Variants in TJP1 observed in about 807,000 individuals in gnomAD.
TJP1 encodes the protein tight junction protein 1, also known as tight junction protein ZO-1.
In TJP1, 43 loss-of-function variants were observed where a neutral mutation model predicts 194.2. The observed-to-expected ratio is 0.22, with a 90% CI of 0.17 to 0.29. The LOEUF (loss-of-function observed/expected upper bound fraction) is 0.29, where lower values mean the gene tolerates loss of function less well. Ranked by LOEUF, TJP1 falls within the 10% of genes least tolerant of loss-of-function variation. The pLI is 1.00. For missense variants in TJP1, 1,971 were observed against 2,185.7 expected (o/e 0.90, Z 1.96); for synonymous variants, 801 against 779.0 (o/e 1.03, Z -0.47).
chr15:29,968,378 G>A (rs1298819380), intron 1 of TJP1: 1 of 985,216 alleles, frequency 1.0e-6, no homozygotes, highest in Non-Finnish European at 1.2e-6. Context: ...CGACGCCCGG[G>A]TGCGGGTGCC....
At chr15:29,763,775 A>C (rs1422247972) in intron 5 of TJP1, among the ~76,000 whole-genome samples, 1 of 151,782 alleles carries the variant, frequency 6.6e-6, no homozygotes, top group South Asian at 2.1e-4. Context: ...CTCAAAAAAA[A>C]AAAAAAAAAT....
rs540382864 is a variant in TJP1, at chr15:29,702,104, T to C, written c.5213-415A>G. The stretch of plus-strand genomic sequence containing the variant: ...ATTATCAGTAGCACTTTTTTTTTTT[T>C]TCCAGTTTCGAAAGTCTGGAGGATA... On this transcript the variant is annotated intron_variant, in intron 27 of 27. Transcript: ENST00000614355. 5.3e-5 allele frequency among the ~76,000 whole-genome samples: 8 copies of C among 152,270 alleles called. No homozygotes were observed. In the South Asian group the frequency reaches 1.7e-3, roughly 32 times the overall value.
intron 2 of TJP1, among the ~76,000 whole-genome samples, chr15:29,878,415 C>T (rs550016194): frequency 6.6e-6 from 1 of 152,288 alleles, no homozygotes; most frequent in African/African-American, 2.4e-5. Flanking sequence ...GACTTGATCT[C>T]CTTGAGTAGC....
chr15:29,750,598 T>C (rs1303864256), intron 8 of TJP1, among the ~76,000 whole-genome samples: 3 of 152,326 alleles, frequency 2.0e-5, no homozygotes, highest in East Asian at 3.9e-4. Flanking sequence ...CGCCATTTCA[T>C]AGCCCTTTCC....
At chr15:29,870,084 C>G (rs889645191) in intron 2 of TJP1, among the ~76,000 whole-genome samples, 1 of 151,934 alleles carries the variant, frequency 6.6e-6, no homozygotes, top group African/African-American at 2.4e-5. Context: ...CCCCGCCCCC[C>G]ACCGCCCAGC....
chr15:29,791,413 CTTTTT>C (rs34201715), intron 2 of TJP1, among the ~76,000 whole-genome samples: 1 of 51,190 alleles, frequency 2.0e-5, no homozygotes, highest in African/African-American at 8.0e-5. Flanking sequence ...CCATAATATT[CTTTTT>C]TTTTTTTTTT....
At chr15:29,808,730 G>C (rs2049282200) in intron 1 of TJP1, among the ~76,000 whole-genome samples, 2 of 152,084 alleles carry the variant, frequency 1.3e-5, no homozygotes, top group African/African-American at 2.4e-5. Flanking sequence ...ATGAAGGAGA[G>C]TTTCTTTTTT....
chr15:29,779,327 A>T (rs188804764), intron 2 of TJP1, among the ~76,000 whole-genome samples: 1 of 152,286 alleles, frequency 6.6e-6, no homozygotes, highest in African/African-American at 2.4e-5. Context: ...ACTTGACTAC[A>T]TGTATGCAGA....
intron 23 of TJP1, 84 bp downstream of exon 23, chr15:29,716,527 A>G (rs2042573363): frequency 9.6e-7 from 1 of 1,037,556 alleles, no homozygotes; most frequent in Non-Finnish European, 1.4e-6. Flanking sequence ...TATTACACTT[A>G]AATTATTTTT....
chr15:29,893,855 G>A (rs952756246), intron 2 of TJP1, among the ~76,000 whole-genome samples: 1 of 151,896 alleles, frequency 6.6e-6, no homozygotes, highest in Admixed American at 6.6e-5. Context: ...CCCTATAAAC[G>A]ATAAAAAAAC....
At chr15:29,928,859 G>C (rs145653122) in intron 2 of TJP1, among the ~76,000 whole-genome samples, 2 of 151,938 alleles carry the variant, frequency 1.3e-5, no homozygotes, top group African/African-American at 4.8e-5. Context: ...GGAGAATGGC[G>C]TGAACCCAGG....
chr15:29,746,377 CAA>C (rs527673578), intron 8 of TJP1, among the ~76,000 whole-genome samples: 3 of 120,394 alleles, frequency 2.5e-5, no homozygotes, highest in Admixed American at 8.8e-5. Context: ...GACTCCGTCT[CAA>C]AAAAAAAAAA....
At chr15:29,787,389 A>G (rs749549094) in intron 2 of TJP1, among the ~76,000 whole-genome samples, 2 of 152,208 alleles carry the variant, frequency 1.3e-5, no homozygotes, top group Non-Finnish European at 2.9e-5. Context: ...GAGTTAGGCA[A>G]CAGCTTACTG....
chr15:29,869,777 G>GTCTT lies in TJP1; in HGVS notation c.307-69079_307-69076dup, dbSNP rs758529684. Among the ~76,000 whole-genome samples, 747 of 119,176 alleles carry GTCTT rather than the reference G, an allele frequency of 6.3e-3. 7 individuals are homozygous for GTCTT. Among genetic ancestry groups the GTCTT allele is most frequent in the African/African-American group, 0.011 (331 of 31,336 alleles). 78.2% of individuals were successfully genotyped at this position (119,176 alleles called of 152,430 possible). A position where few individuals can be genotyped will look rare whatever the true frequency, so the allele number is the denominator to read the frequency against. On this transcript the variant is annotated intron_variant, in intron 2 of 28. Transcript: ENST00000356107. ...AAGGCAGAACGATATCCTTTCCCCT[G>GTCTT]TCTTTCTTTCTTTCTTTCTTTTTTT...
intron 1 of TJP1, chr15:29,968,166 C>G (rs539922715): frequency 1.5e-5 from 15 of 985,414 alleles, no homozygotes; most frequent in Middle Eastern, 5.2e-4. Flanking sequence ...CCTGACAATG[C>G]AATAATAATT....
intron 8 of TJP1, among the ~76,000 whole-genome samples, chr15:29,754,541 G>C (rs2045518673): frequency 1.3e-5 from 2 of 151,954 alleles, no homozygotes; most frequent in Non-Finnish European, 1.5e-5. Context: ...AAATTCACTA[G>C]TCAGAAGATC....
intron 17 of TJP1, 133 bp from the exon 18 acceptor site, chr15:29,726,612 T>C (rs2043253391): frequency 8.8e-7 from 1 of 1,139,790 alleles, no homozygotes; most frequent in African/African-American, 1.6e-5. Context: ...GAAATTTCTA[T>C]TTTGCTACTG....
rs573141970 is a variant in TJP1 at position 29,918,604 on chromosome 15, G to A, written c.306+37628C>T. 1.2e-4 allele frequency among the ~76,000 whole-genome samples: 18 copies of A among 152,146 alleles called. 1 individual carries two copies. The South Asian group carries it at 2.9e-3, about 25-fold the overall frequency. ...TACAAAAAAATTAGCCAGGTGTGGCGGCACATGCCTGTAGTTCCAGCTACT... is the reference window on the plus strand; with the variant it reads ...TACAAAAAAATTAGCCAGGTGTGGCAGCACATGCCTGTAGTTCCAGCTACT... On this transcript the variant is annotated intron_variant, in intron 2 of 28. Transcript: ENST00000356107.
At chr15:29,825,289 C>A (rs886902678), upstream of TJP1, among the ~76,000 whole-genome samples, 13 of 152,140 alleles carry the variant, frequency 8.5e-5, no homozygotes, top group Non-Finnish European at 1.9e-4. Flanking sequence ...CATCATAGCT[C>A]CTCTAGATCA....
Sources: gnomAD v4.1 joint callset for allele counts (sites outside exome capture counted in the v4.1 genomes callset) on GRCh38, gnomAD v4.1.1 for gene constraint, MANE v1.5 for transcripts, NCBI Gene and HGNC (gene_info 2026-07-23, HGNC 2026-07-21) for gene names.